DNAH8: variants seen among roughly 807,000 people sequenced by gnomAD.
The protein encoded by DNAH8 is axonemal beta dynein heavy chain 8.
DNAH8 carries 382 observed loss-of-function variants against 562.1 expected under a neutral mutation model. The ratio of observed to expected loss-of-function variants is 0.68; its 90% confidence interval spans 0.63 to 0.74. DNAH8 has a LOEUF of 0.74. DNAH8 is among the 30% of genes least tolerant of loss of function. The pLI is 0.00. For missense variants in DNAH8, 5,203 were observed against 5,620.4 expected (o/e 0.93, Z 2.37); for synonymous variants, 1,881 against 1,919.4 (o/e 0.98, Z 0.52).
chr6:38,724,380 A>G (rs1363586102), intron 3 of DNAH8, among the ~76,000 whole-genome samples: 2 of 152,220 alleles, frequency 1.3e-5, no homozygotes. Flanking sequence ...GAATGATGTC[A>G]GAAGTTAGAG....
chr6:38,790,211 T>C, intron 19 of DNAH8, 78 bp from the exon 20 acceptor site: 1 of 798,266 alleles, frequency 1.3e-6, no homozygotes, highest in South Asian at 1.5e-5. Context: ...ATATAATATT[T>C]GTAGGTGATA....
chr6:38,880,338 A>C (rs975332901), intron 53 of DNAH8, among the ~76,000 whole-genome samples: 6 of 152,140 alleles, frequency 3.9e-5, no homozygotes, highest in African/African-American at 1.2e-4. Context: ...TAAAACTGTA[A>C]AACTGCGCTG....
At chr6:38,747,384 CTTTTTTTTTTTT>C (rs55729629) in intron 8 of DNAH8, among the ~76,000 whole-genome samples, 1 of 113,778 alleles carries the variant, frequency 8.8e-6, no homozygotes, top group Non-Finnish European at 1.7e-5. Flanking sequence ...TTTTCTTTTT[CTTTTTTTTTTTT>C]TTTTTTTTGA....
intron 82 of DNAH8, among the ~76,000 whole-genome samples, chr6:38,955,096 T>C (rs1264919810): frequency 6.6e-6 from 1 of 152,104 alleles, no homozygotes; most frequent in Non-Finnish European, 1.5e-5. Flanking sequence ...GCCTTCCAAG[T>C]AGCTGGGACT....
At chr6:38,883,752 T>C (rs1200459304) in intron 55 of DNAH8, 124 bp from the exon 56 acceptor site, 9 of 752,272 alleles carry the variant, frequency 1.2e-5, no homozygotes, top group Non-Finnish European at 1.7e-5. Context: ...TATATTTTAA[T>C]AATTATATGT....
At chr6:38,745,918 A>T in intron 8 of DNAH8, among the ~76,000 whole-genome samples, 1 of 152,310 alleles carries the variant, frequency 6.6e-6, no homozygotes, top group South Asian at 2.1e-4. Flanking sequence ...CATTATATTG[A>T]TGTGCCTTAT....
intron 21 of DNAH8, among the ~76,000 whole-genome samples, chr6:38,799,765 C>T (rs1770610826): frequency 1.3e-5 from 2 of 152,130 alleles, no homozygotes; most frequent in Admixed American, 1.3e-4. Flanking sequence ...TCCATTTCCT[C>T]TCAACCCTCC....
intron 42 of DNAH8, among the ~76,000 whole-genome samples, chr6:38,858,496 C>T (rs1201928348): frequency 2.0e-5 from 3 of 152,128 alleles, no homozygotes; most frequent in Non-Finnish European, 2.9e-5. Flanking sequence ...CCAGTCAGTC[C>T]GTCCATCCCC....
intron 72 of DNAH8, 93 bp downstream of exon 72, chr6:38,923,278 A>C: frequency 6.8e-7 from 1 of 1,474,980 alleles, no homozygotes; most frequent in East Asian, 2.3e-5. Flanking sequence ...GAATCCCATC[A>C]TCTATGACAG....
intron 82 of DNAH8, among the ~76,000 whole-genome samples, chr6:38,954,321 A>C (rs1387585747): frequency 6.6e-6 from 1 of 152,238 alleles, no homozygotes; most frequent in Non-Finnish European, 1.5e-5. Flanking sequence ...ACAACCACAC[A>C]AAAGTAGTAG....
At chr6:38,909,469 CTT>C in intron 64 of DNAH8, 47 bp from the exon 65 acceptor site, 1 of 1,567,878 alleles carries the variant, frequency 6.4e-7, no homozygotes, top group Non-Finnish European at 8.8e-7. Flanking sequence ...CTCTGGCTGA[CTT>C]ATAACCCCTC....
At chr6:38,991,847 A>T (rs780879609) in intron 88 of DNAH8, among the ~76,000 whole-genome samples, 25 of 152,116 alleles carry the variant, frequency 1.6e-4, no homozygotes, top group Non-Finnish European at 2.5e-4. Flanking sequence ...TAGCCTTTTC[A>T]ATGATGCCTT....
rs545907270 is a variant in DNAH8, at chr6:38,930,369, T to C, written c.11274+703T>C. Among the ~76,000 whole-genome samples the C allele has an allele frequency of 2.0e-5, 3 of 152,256 alleles. No individual in the cohort carries two copies. The South Asian group carries it at 6.2e-4, about 32-fold the overall frequency. Reference sequence around the variant, plus strand: ...TGGGTGTTTATTACTTTGGACAACTTAATTTCATGAGTATCAGTGAATAAG... The same window carrying C: ...TGGGTGTTTATTACTTTGGACAACTCAATTTCATGAGTATCAGTGAATAAG... On this transcript the variant is annotated intron_variant, in intron 75 of 92. Transcript: ENST00000327475.
In DNAH8 at chr6:38,884,009, A is replaced by G. The variant is rs1165097947; in HGVS notation, c.8259+11A>G. 41 of 1,521,752 alleles carry G rather than the reference A, an allele frequency of 2.7e-5. No individual in the cohort carries two copies. The highest frequency in any genetic ancestry group is 3.5e-5 in the Non-Finnish European group (40 of 1,129,048). The allele number at this position is 1,521,752 out of a possible 1,614,324, so 94.3% of individuals were successfully genotyped here. On this transcript the variant is annotated intron_variant, in intron 56 of 92. Coordinates refer to ENST00000327475, the MANE Select transcript of DNAH8 (RefSeq NM_001206927.2). ...GAGTGGGGAGATCAGGTATGGCTGAAATATCTCATATAGATGATCCTGAAT... is the reference window on the plus strand; with the variant it reads ...GAGTGGGGAGATCAGGTATGGCTGAGATATCTCATATAGATGATCCTGAAT...
rs1562521493 is a variant in DNAH8 at position 38,715,956 on chromosome 6, A to ATTTTTT, written c.-35+542_-35+543insTTTTTT. Among the ~76,000 whole-genome samples the ATTTTTT allele has an allele frequency of 1.9e-4, 5 of 27,018 alleles. No individual in the cohort carries two copies. The East Asian group carries it at 2.3e-3, about 12-fold the overall frequency. 17.7% of individuals were successfully genotyped at this position (27,018 alleles called of 152,430 possible). A position where few individuals can be genotyped will look rare whatever the true frequency, so the allele number is the denominator to read the frequency against. ...TATATATATATATATATATATATAT[A>ATTTTTT]TATATTTTTTTTTTTTTTTTGAGAC... On this transcript the variant is annotated intron_variant, in intron 1 of 92. Transcript: ENST00000327475.
At chr6:38,995,315 A>G (rs1765065270) in intron 88 of DNAH8, among the ~76,000 whole-genome samples, 1 of 152,148 alleles carries the variant, frequency 6.6e-6, no homozygotes, top group African/African-American at 2.4e-5. Flanking sequence ...TACTCTATTA[A>G]TGGTTCATTG....
chr6:38,949,546 C>T lies in DNAH8; in HGVS notation c.12224C>T (p.Thr4075Ile), dbSNP rs748723624. The change falls in exon 81 of 93, where the codon ACC becomes ATC. Residue 4075 changes from threonine to isoleucine, a missense_variant. Around this residue, in one of 6 missense-constraint regions of DNAH8, gnomAD observed 1,399 missense variants for 1,518.4 expected, o/e 0.92. Coordinates refer to ENST00000327475, the MANE Select transcript of DNAH8 (RefSeq NM_001206927.2). The part of the protein sequence containing the change: ...IPDGYNDSLD[T>I]CHKLLLIRSW... ...GATGGATATAATGATTCACTAGATA[C>T]CTGCCATAAACTTTTACTTATCAGG... The T allele has an allele frequency of 6.2e-6, 10 of 1,606,358 alleles. No individual in the cohort carries two copies. In the African/African-American group the frequency reaches 9.4e-5, roughly 15 times the overall value.
Position 38,872,916 on chromosome 6 carries a change from T to A in DNAH8, c.7248T>A (p.Ile2416=), listed in dbSNP as rs1419702666. ...KTLKAKKGEN[I]FLILDGPVDA... The stretch of plus-strand genomic sequence containing the variant: ...TTTAATTATTTTCAGGTGAAAACAT[T>A]TTCCTCATTTTAGATGGTCCTGTGG... Residue 2416 remains isoleucine, a synonymous_variant, in exon 51 of 93, where the codon ATT becomes ATA. Coordinates refer to ENST00000327475, the MANE Select transcript of DNAH8 (RefSeq NM_001206927.2). 1.9e-6 allele frequency: 3 copies of A among 1,612,738 alleles called. No individual in the cohort carries two copies. The highest frequency in any genetic ancestry group is 2.5e-6 in the Non-Finnish European group (3 of 1,179,694).
At chr6:38,726,851 GTTTTTTTT>G (rs58557655) in intron 3 of DNAH8, among the ~76,000 whole-genome samples, 4 of 63,264 alleles carry the variant, frequency 6.3e-5, no homozygotes, top group East Asian at 5.2e-4. Flanking sequence ...GTATTCTTTA[GTTTTTTTT>G]TTTTTTTTTT....
Sources: allele counts gnomAD v4.1 joint callset (sites outside exome capture counted in the v4.1 genomes callset), GRCh38; gene constraint gnomAD v4.1.1; regional missense constraint gnomAD v4.1.1; transcripts MANE v1.5; gene names NCBI Gene and HGNC (gene_info 2026-07-23, HGNC 2026-07-21).